The following TNRC18 variants were observed in gnomAD, a reference collection of about 807,000 sequenced individuals.
The protein encoded by TNRC18 is trinucleotide repeat containing 18.
In TNRC18, 69 loss-of-function variants were observed where a neutral mutation model predicts 226.7. That is an observed-to-expected ratio of 0.30 (90% CI 0.25 to 0.37). The LOEUF (loss-of-function observed/expected upper bound fraction) is 0.37. Ranked by LOEUF, TNRC18 falls within the 10% of genes least tolerant of loss-of-function variation. The probability of loss-of-function intolerance (pLI) is 1.00; values close to 1 mark genes in which losing one functional copy is unlikely to be tolerated. For missense variants in TNRC18, 4,754 were observed against 4,256.6 expected (o/e 1.12, Z -3.25); for synonymous variants, 2,449 against 1,927.6 (o/e 1.27, Z -7.09).
rs1235582984 is a variant in TNRC18 at position 5,388,201 on chromosome 7, C to T, written c.1623G>A (p.Val541=). 1 of 1,594,402 alleles carries T rather than the reference C, an allele frequency of 6.3e-7. No homozygotes were observed. Among genetic ancestry groups the T allele is most frequent in the East Asian group, 2.3e-5 (1 of 43,862 alleles). The change falls in exon 5 of 30, where the codon GTG becomes GTA. Residue 541 remains valine, a synonymous_variant. Coordinates refer to ENST00000430969, the MANE Select transcript of TNRC18 (RefSeq NM_001080495.3). Reference sequence around the variant, plus strand: ...CCTTCTTGGAGGAGGAGGCAGCGACCACGGCGGCCTCCTCTTCGGCGCGGC... The same window carrying T: ...CCTTCTTGGAGGAGGAGGCAGCGACTACGGCGGCCTCCTCTTCGGCGCGGC... ...HHSRAEEEAA[V]VAASSSKKAY...
At chr7:5,345,517 G>GAGCCCCCC in intron 18 of TNRC18, 45 bp downstream of exon 18, 1 of 377,744 alleles carries the variant, frequency 2.6e-6, no homozygotes, top group Non-Finnish European at 4.8e-6. Context: ...AATGGCGTCC[G>GAGCCCCCC]CCCCTCCCAC....
intron 2 of TNRC18, among the ~76,000 whole-genome samples, chr7:5,405,759 A>C (rs767034679): frequency 6.6e-6 from 1 of 152,038 alleles, no homozygotes. Flanking sequence ...CAAAAAATAA[A>C]AATAAAAAGT....
In TNRC18 at chr7:5,361,978, CG is replaced by C. The variant is rs1562549753; in HGVS notation, c.4450del (p.Arg1484GlyfsTer19). The C allele has an allele frequency of 6.2e-7, 1 of 1,613,438 alleles. No homozygotes were observed. Among genetic ancestry groups the C allele is most frequent in the Admixed American group, 1.7e-5 (1 of 59,976 alleles). ...GCGCTGCACCTCGGCCAGCCGCATCCGGAAGTCCAGCTCCAGGGCGTCCATG... is the reference window on the plus strand; with the variant it reads ...GCGCTGCACCTCGGCCAGCCGCATCCGAAGTCCAGCTCCAGGGCGTCCATG... ...EDMDALELDF[R>X]MRLAEVQRQY... On this transcript the variant is annotated frameshift_variant, in exon 13 of 30. Transcript: ENST00000430969. LOFTEE classifies it high-confidence loss of function.
In TNRC18 at chr7:5,387,941, G is replaced by A. The variant is rs1356444945; in HGVS notation, c.1883C>T (p.Ala628Val). Residue 628 changes from alanine (A) to valine (V), a missense_variant, in exon 5 of 30, where the codon GCG becomes GTG. By Grantham distance (64) the Ala-to-Val change is moderately conservative. Coordinates refer to ENST00000430969, the MANE Select transcript of TNRC18 (RefSeq NM_001080495.3). ...ACGGGCCTGGGCTCGGGAGGCACCCGCAGAGGTGGGCGCAGGCTCGGGTTT... is the reference window on the plus strand; with the variant it reads ...ACGGGCCTGGGCTCGGGAGGCACCCACAGAGGTGGGCGCAGGCTCGGGTTT... ...TMKPEPAPTS[A>V]GASRAQARLP... 1.3e-6 allele frequency: 2 copies of A among 1,597,748 alleles called. No individual in the cohort carries two copies. Among genetic ancestry groups the A allele is most frequent in the East Asian group, 2.3e-5 (1 of 44,176 alleles).
chr7:5,327,379 G>A (rs1789028970), intron 19 of TNRC18, among the ~76,000 whole-genome samples: 1 of 94,186 alleles, frequency 1.1e-5, no homozygotes, highest in African/African-American at 4.3e-5. Flanking sequence ...GTGCGTGTGT[G>A]TGTGTGTGTG....
At chr7:5,405,614 G>C (rs1781412559) in intron 2 of TNRC18, among the ~76,000 whole-genome samples, 1 of 152,054 alleles carries the variant, frequency 6.6e-6, no homozygotes, top group African/African-American at 2.4e-5. Context: ...ATGGTAGCTT[G>C]TGCCTGTAGT....
rs369318587 is a variant in TNRC18 at position 5,387,660 on chromosome 7, C to G, written c.2152+12G>C. The G allele has an allele frequency of 9.8e-5, 157 of 1,602,374 alleles. 1 individual carries two copies. In the African/African-American group the frequency reaches 1.9e-3, roughly 19 times the overall value. ...AGATCCTACCCGCACCTGGGCTCTG[C>G]CCAGGACCTACCTTTGACGTTACTC... is the stretch of plus-strand genomic sequence containing the variant. On this transcript the variant is annotated intron_variant, in intron 5 of 29. Coordinates refer to ENST00000430969, the MANE Select transcript of TNRC18 (RefSeq NM_001080495.3).
rs1446406439 is a variant in TNRC18, at chr7:5,308,893, C to T, written c.8682G>A (p.Gln2894=). 1.3e-5 allele frequency: 19 copies of T among 1,486,508 alleles called. No individual in the cohort carries two copies. The highest frequency in any genetic ancestry group is 1.7e-5 in the Non-Finnish European group (19 of 1,103,336). The allele number at this position is 1,486,508 out of a possible 1,614,324, so 92.1% of individuals were successfully genotyped here. ...SLPAALRVSS[Q]RKDFMERALY... The stretch of plus-strand genomic sequence containing the variant: ...CACCTACCTCCATGAAGTCCTTCCT[C>T]TGGCTGGAGACCCGCAGGGCCGCCG... Residue 2894 remains glutamine, a synonymous_variant, in exon 29 of 30, where the codon CAG becomes CAA. Transcript: ENST00000430969.
intron 24 of TNRC18, 39 bp downstream of exon 24, chr7:5,320,279 G>A: frequency 6.7e-7 from 1 of 1,491,220 alleles, no homozygotes; most frequent in Non-Finnish European, 9.1e-7. Context: ...ATACTGAGAT[G>A]TTAGGCGGCA....
chr7:5,337,510 TC>T (rs1261638153), intron 18 of TNRC18, among the ~76,000 whole-genome samples: 1 of 148,686 alleles, frequency 6.7e-6, no homozygotes, highest in African/African-American at 2.5e-5. Context: ...CCAAGAAAAT[TC>T]CTCACCAGCA....
chr7:5,374,275 G>A lies in TNRC18; in HGVS notation c.3009C>T (p.Ala1003=). 6 of 1,487,920 alleles carry A rather than the reference G, an allele frequency of 4.0e-6. No individual in the cohort carries two copies. Among genetic ancestry groups the A allele is most frequent in the Non-Finnish European group, 5.4e-6 (6 of 1,119,858 alleles). 92.2% of individuals were successfully genotyped at this position (1,487,920 alleles called of 1,614,324 possible). Residue 1003 remains alanine (A), a synonymous_variant, in exon 10 of 30, where the codon GCC becomes GCT. Transcript: ENST00000430969. ...PPSPRASPVA[A]LKAKVIQKLE... is the part of the protein sequence containing the mutation. ...GCTTCTGGATGACCTTGGCCTTCAG[G>A]GCAGCCACAGGGGATGCGCGGGGTG...
intron 21 of TNRC18, among the ~76,000 whole-genome samples, chr7:5,322,947 G>C (rs950076458): frequency 4.6e-5 from 7 of 152,178 alleles, no homozygotes; most frequent in South Asian, 2.1e-4. Flanking sequence ...CCTAGGCCTC[G>C]AGAGAGCTCT....
intron 17 of TNRC18, among the ~76,000 whole-genome samples, chr7:5,347,552 C>CA (rs1340482276): frequency 1.3e-5 from 2 of 152,112 alleles, no homozygotes; most frequent in African/African-American, 4.8e-5. Flanking sequence ...GCAGTCCTGG[C>CA]AACTCCGGAG....
At position 5,309,678 on chromosome 7, in the gene TNRC18, C is replaced by G. The variant is rs1162871860; in HGVS notation, c.8389-310G>C. Among the ~76,000 whole-genome samples, 3 of 152,248 alleles carry G rather than the reference C, an allele frequency of 2.0e-5. No homozygotes were observed. Among genetic ancestry groups the G allele is most frequent in the Non-Finnish European group, 4.4e-5 (3 of 68,048 alleles). On this transcript the variant is annotated intron_variant, in intron 27 of 29. Transcript: ENST00000430969. This position sits in a 1 kb window ranked among gnomAD's most constrained non-coding sequence, Gnocchi z 5.7. ...AGCGCAGTGGCGCCATCATGACTCA[C>G]TGCAGCCACGAACTCCTAGACTCAA...
chr7:5,357,332 T>C lies in TNRC18; in HGVS notation c.4834-56A>G. ...AGATCTGACAAAACAGTATAGTGGG[T>C]TTCAGTGCACATGCTCTGCCCAGCC... On this transcript the variant is annotated intron_variant, in intron 15 of 29. Transcript: ENST00000430969. The C allele has an allele frequency of 2.6e-6, 4 of 1,526,136 alleles. No homozygotes were observed. In the South Asian group the frequency reaches 5.1e-5, roughly 19 times the overall value. 94.5% of individuals were successfully genotyped at this position (1,526,136 alleles called of 1,614,324 possible).
rs752633513 is a variant in TNRC18 at position 5,327,350 on chromosome 7, AAT to A, written c.6148-2104_6148-2103del. Among the ~76,000 whole-genome samples the A allele has an allele frequency of 6.6e-5, 10 of 150,728 alleles. 1 individual carries two copies. Among genetic ancestry groups the A allele is most frequent in the Non-Finnish European group, 1.5e-4 (10 of 67,838 alleles). On this transcript the variant is annotated intron_variant, in intron 19 of 29. Coordinates refer to ENST00000430969, the MANE Select transcript of TNRC18 (RefSeq NM_001080495.3). Reference sequence around the variant, plus strand: ...TTTAATCCCCATTTTGGGGGGGAAAAATATATATGTGTGTGTTTGTGCGTGTG... The same window carrying A: ...TTTAATCCCCATTTTGGGGGGGAAAAATATATGTGTGTGTTTGTGCGTGTG...
chr7:5,366,039 G>C (rs1793581752), intron 11 of TNRC18, among the ~76,000 whole-genome samples: 1 of 152,030 alleles, frequency 6.6e-6, no homozygotes. Context: ...ATTCTCTATT[G>C]GCAGTGTGCA....
chr7:5,344,023 A>T (rs1010246213), intron 18 of TNRC18, among the ~76,000 whole-genome samples: 2 of 152,236 alleles, frequency 1.3e-5, no homozygotes, highest in Admixed American at 6.5e-5. Flanking sequence ...AAGAAGAAAC[A>T]ATCTGTATCA....
intron 14 of TNRC18, among the ~76,000 whole-genome samples, chr7:5,359,971 C>A (rs1398713789): frequency 6.6e-6 from 1 of 152,010 alleles, no homozygotes; most frequent in Admixed American, 6.6e-5. Context: ...GGATTCCAGT[C>A]TCTCTTTTCC....
Sources: allele counts gnomAD v4.1 joint callset (sites outside exome capture counted in the v4.1 genomes callset), GRCh38; gene constraint gnomAD v4.1.1; non-coding constraint Gnocchi (gnomAD v3.1); transcripts MANE v1.5; gene names NCBI Gene and HGNC (gene_info 2026-07-23, HGNC 2026-07-21).